YTHDC1: variants seen among roughly 807,000 people sequenced by gnomAD.
YTHDC1 encodes the protein YTH N6-methyladenosine RNA binding protein C1, also known as YTH domain-containing protein 1.
In YTHDC1, 12 loss-of-function variants were observed where a neutral mutation model predicts 107.0. The ratio of observed to expected loss-of-function variants is 0.11; its 90% CI spans 0.07 to 0.18. The LOEUF is 0.18. YTHDC1 is among the 10% of genes least tolerant of loss of function. The pLI is 1.00. For missense variants in YTHDC1, 635 were observed against 898.8 expected, an observed-to-expected ratio of 0.71 and a Z score of 3.75; for synonymous variants, 280 against 289.5, an observed-to-expected ratio of 0.97 and a Z score of 0.33.
chr4:68,316,503 C>T lies in YTHDC1; in HGVS notation c.1825-55G>A, dbSNP rs372373320. ...ATCTACCAACACCCTTGTAAACAAG[C>T]GATTCTTAGAACCCTTCATCCAAAA... On this transcript the variant is annotated intron_variant, in intron 15 of 16. Transcript: ENST00000344157. 3.6e-5 allele frequency: 57 copies of T among 1,570,536 alleles called. 1 individual carries two copies. In the South Asian group the frequency reaches 4.4e-4, roughly 12 times the overall value.
At chr4:68,332,063 T>G in intron 7 of YTHDC1, 40 bp downstream of exon 7, 2 of 1,343,494 alleles carry the variant, frequency 1.5e-6, no homozygotes, top group Non-Finnish European at 2.1e-6. Context: ...ATTTAAAAAT[T>G]TTGATATTAG....
In YTHDC1 at chr4:68,311,409, C is replaced by T. The variant is rs752460327; in HGVS notation, c.*2690G>A. ...TACTCCAGCCAATAAAATCCCTGAC[C>T]GGATTTCTAAACTCGGAATGACTGA... On this transcript the variant is annotated 3_prime_UTR_variant, in exon 17 of 17. Transcript: ENST00000344157. 3 of 152,030 alleles carry T rather than the reference C, an allele frequency of 2.0e-5. No individual in the cohort carries two copies. The highest frequency in any genetic ancestry group is 1.5e-5 in the Non-Finnish European group (1 of 68,022). The allele number at this position is 152,030 out of a possible 1,614,324, so 9.4% of individuals were successfully genotyped here.
chr4:68,339,514 C>T (rs1724584227), intron 1 of YTHDC1, among the ~76,000 whole-genome samples: 1 of 152,152 alleles, frequency 6.6e-6, no homozygotes, highest in African/African-American at 2.4e-5. Context: ...AGTCAAAGTC[C>T]TTATAACACA....
At chr4:68,340,229 G>T (rs531692897) in intron 1 of YTHDC1, among the ~76,000 whole-genome samples, 1 of 152,000 alleles carries the variant, frequency 6.6e-6, no homozygotes, top group Non-Finnish European at 1.5e-5. Flanking sequence ...TAATACAAAC[G>T]ATAAGGTTAC....
intron 2 of YTHDC1, 69 bp from the exon 3 acceptor site, chr4:68,337,969 G>T: frequency 1.3e-6 from 2 of 1,529,864 alleles, no homozygotes; most frequent in Non-Finnish European, 1.7e-6. Context: ...ACCAAAGACT[G>T]ACAATAATAT....
Position 68,314,215 on chromosome 4 carries a change from G to A in YTHDC1, c.2068C>T (p.Pro690Ser). The A allele has an allele frequency of 6.2e-7, 1 of 1,613,444 alleles. No homozygotes were observed. The highest frequency in any genetic ancestry group is 8.5e-7 in the Non-Finnish European group (1 of 1,179,768). ...TCTCTGTCTCGTCTGTTATCTCTAG[G>A]GCGGTCTCGCTCTCGTTCCCGGTCT... Reference protein sequence around the residue: ...ERDRERERDRPRDNRRDRERD... With the variant: ...ERDRERERDRSRDNRRDRERD... Residue 690 changes from proline (P) to serine (S), a missense_variant, in exon 17 of 17, where the codon CCT becomes TCT. By Grantham distance (74) the Pro-to-Ser change is moderately conservative. Transcript: ENST00000344157.
chr4:68,349,133 C>T (rs1725781681), intron 1 of YTHDC1, among the ~76,000 whole-genome samples: 1 of 152,204 alleles, frequency 6.6e-6, no homozygotes, highest in Non-Finnish European at 1.5e-5. Context: ...GTCACACAGT[C>T]ATCTTTCCAA....
chr4:68,344,143 T>C (rs548365985), intron 1 of YTHDC1: 5 of 151,984 alleles, frequency 3.3e-5, no homozygotes, highest in East Asian at 1.9e-4. Flanking sequence ...TGGGTTTGTA[T>C]CTGGTGAATG....
chr4:68,339,214 GCT>G (rs1410840005), intron 1 of YTHDC1, among the ~76,000 whole-genome samples: 1 of 152,128 alleles, frequency 6.6e-6, no homozygotes, highest in African/African-American at 2.4e-5. Context: ...CTGTAACAAT[GCT>G]CTGAGAATAG....
chr4:68,337,992 G>T (rs1310676550), intron 2 of YTHDC1, 92 bp from the exon 3 acceptor site: 6 of 1,489,856 alleles, frequency 4.0e-6, no homozygotes. Flanking sequence ...ACATCAGGAA[G>T]GGGGGATAGG....
chr4:68,329,821 A>G (rs1419082673), intron 9 of YTHDC1, among the ~76,000 whole-genome samples, 181 bp downstream of exon 9: 2 of 152,216 alleles, frequency 1.3e-5, no homozygotes, highest in Non-Finnish European at 2.9e-5. Context: ...ACTAATATAC[A>G]AAACAAATCA....
chr4:68,349,677 C>A lies in YTHDC1; in HGVS notation c.28+49G>T, dbSNP rs368627426. 7 of 1,372,448 alleles carry A rather than the reference C, an allele frequency of 5.1e-6. No homozygotes were observed. In the African/African-American group the frequency reaches 9.2e-5, roughly 18 times the overall value. 85.0% of individuals were successfully genotyped at this position (1,372,448 alleles called of 1,614,324 possible). A position where few individuals can be genotyped will look rare whatever the true frequency, so the allele number is the denominator to read the frequency against. On this transcript the variant is annotated intron_variant, in intron 1 of 16. Transcript: ENST00000344157. ...CGACGACCACTGCTCCATCACCCCA[C>A]TCCCGGGCCCCAGCCTCGCCTCGGC...
chr4:68,311,500 T>G lies in YTHDC1; in HGVS notation c.*2599A>C, dbSNP rs115242312. 2 of 152,152 alleles carry G rather than the reference T, an allele frequency of 1.3e-5. No homozygotes were observed. The highest frequency in any genetic ancestry group is 4.1e-4 in the South Asian group (2 of 4,826). The allele number at this position is 152,152 out of a possible 1,614,324, so 9.4% of individuals were successfully genotyped here. ...TTGTTAGAATCACAGCACAGTGGAG[T>G]ACACGAAAGAAACCATGTCTTCTCA... On this transcript the variant is annotated 3_prime_UTR_variant, in exon 17 of 17. Transcript: ENST00000344157.
chr4:68,330,151 G>T, intron 8 of YTHDC1, 32 bp from the exon 9 acceptor site: 1 of 1,579,366 alleles, frequency 6.3e-7, no homozygotes, highest in South Asian at 1.1e-5. Context: ...ATAATATGTA[G>T]ATGCTAATAT....
Position 68,330,317 on chromosome 4 carries a change from A to AT in YTHDC1, c.1123-8_1123-7insA. 2 of 1,505,946 alleles carry AT rather than the reference A, an allele frequency of 1.3e-6. No individual in the cohort carries two copies. The highest frequency in any genetic ancestry group is 1.8e-6 in the Non-Finnish European group (2 of 1,120,548). 93.3% of individuals were successfully genotyped at this position (1,505,946 alleles called of 1,614,324 possible). A position where few individuals can be genotyped will look rare whatever the true frequency, so the allele number is the denominator to read the frequency against. The stretch of plus-strand genomic sequence containing the variant: ...GGAGCGTGGACCATACACCCTACAT[A>AT]AATAACATAAAGACCACAAAGTGAA... On this transcript the variant is annotated splice_region_variant and splice_polypyrimidine_tract_variant and intron_variant, in intron 7 of 16. Coordinates refer to ENST00000344157, the MANE Select transcript of YTHDC1 (RefSeq NM_001031732.4).
In YTHDC1 at chr4:68,312,910, G is replaced by A. The variant is rs1230816385; in HGVS notation, c.*1189C>T. The A allele has an allele frequency of 6.6e-6, 1 of 152,134 alleles. No individual in the cohort carries two copies. The highest frequency in any genetic ancestry group is 1.9e-4 in the East Asian group (1 of 5,194). 9.4% of individuals were successfully genotyped at this position (152,134 alleles called of 1,614,324 possible). ...GCGGCTCTATTTCTATGTTATAGTT[G>A]GTTACCACTGGGAGAACTGGACAGT... On this transcript the variant is annotated 3_prime_UTR_variant, in exon 17 of 17. Coordinates refer to ENST00000344157, the MANE Select transcript of YTHDC1 (RefSeq NM_001031732.4).
chr4:68,321,253 TTCAC>T (rs1448550944), intron 11 of YTHDC1, among the ~76,000 whole-genome samples: 23 of 152,198 alleles, frequency 1.5e-4, no homozygotes, highest in African/African-American at 4.8e-4. Flanking sequence ...TTCAACACAG[TTCAC>T]TCAAACTGCA....
intron 1 of YTHDC1, among the ~76,000 whole-genome samples, chr4:68,339,609 C>CACACAG (rs371672495): frequency 5.9e-5 from 9 of 152,076 alleles, no homozygotes; most frequent in African/African-American, 1.7e-4. Context: ...TGCACGTACA[C>CACACAG]ACACAGACAC....
intron 1 of YTHDC1, among the ~76,000 whole-genome samples, chr4:68,341,008 C>T (rs1185478541): frequency 6.6e-6 from 1 of 152,056 alleles, no homozygotes; most frequent in East Asian, 1.9e-4. Context: ...TTCAAGACAA[C>T]AAATATTAAC....
Sources: allele counts gnomAD v4.1 joint callset (sites outside exome capture counted in the v4.1 genomes callset), GRCh38; gene constraint gnomAD v4.1.1; transcripts MANE v1.5; gene names NCBI Gene and HGNC (gene_info 2026-07-23, HGNC 2026-07-21).